ZFHX4: variants seen among roughly 807,000 people sequenced by gnomAD.
ZFHX4 encodes the protein zinc finger homeobox 4.
A neutral mutation model predicts 267.6 loss-of-function variants in ZFHX4; 56 were observed. The observed-to-expected ratio is 0.21, with a 90% CI of 0.17 to 0.26. The LOEUF (loss-of-function observed/expected upper bound fraction) is 0.26. ZFHX4 is among the 10% of genes least tolerant of loss of function. The pLI is 1.00. For missense variants in ZFHX4, 4,332 were observed against 4,420.0 expected, an observed-to-expected ratio of 0.98 and a Z score of 0.56; for synonymous variants, 1,778 against 1,665.6, an observed-to-expected ratio of 1.07 and a Z score of -1.64.
At chr8:76,706,721 C>T in intron 2 of ZFHX4, 43 bp downstream of exon 2, 1 of 1,481,582 alleles carries the variant, frequency 6.7e-7, no homozygotes, top group African/African-American at 1.4e-5. Context: ...AGTTTCTAAT[C>T]ACATTTTGAT....
chr8:76,860,664 G>A (rs541324700), intron 10 of ZFHX4, among the ~76,000 whole-genome samples: 324 of 152,194 alleles, frequency 2.1e-3, no homozygotes, highest in Non-Finnish European at 3.9e-3. Flanking sequence ...GTAGGCAAAG[G>A]AAGCTGGCTA....
intron 5 of ZFHX4, chr8:76,833,683 T>A (rs149174804): frequency 2.9e-6 from 1 of 347,370 alleles, no homozygotes; most frequent in East Asian, 7.0e-5. Context: ...ATCACTGCCC[T>A]CCCCACCAGA....
At chr8:76,800,907 C>T (rs1054741032) in intron 4 of ZFHX4, among the ~76,000 whole-genome samples, 3 of 152,146 alleles carry the variant, frequency 2.0e-5, no homozygotes, top group African/African-American at 7.2e-5. Context: ...TTCGGCCTCT[C>T]GAGCCTTCTA....
intron 4 of ZFHX4, among the ~76,000 whole-genome samples, chr8:76,832,200 T>G (rs1250782451): frequency 1.3e-5 from 2 of 152,176 alleles, no homozygotes; most frequent in African/African-American, 4.8e-5. Context: ...TTGCTAGAAA[T>G]AGTAAATAAA....
In ZFHX4 at chr8:76,854,040, T is replaced by C. The variant is rs2131954798; in HGVS notation, c.7119T>C (p.Ala2373=). 1 of 1,613,832 alleles carries C rather than the reference T, an allele frequency of 6.2e-7. No homozygotes were observed. The highest frequency in any genetic ancestry group is 8.5e-7 in the Non-Finnish European group (1 of 1,179,868). ...CAGTGTCTGGCCAAACGGATGCAGC[T>C]AAAAACGCTGCTGCCCCTGCAGCAA... is the stretch of plus-strand genomic sequence containing the variant. ...HCTVSGQTDA[A]KNAAAPAASS... Residue 2373 remains alanine (A), a synonymous_variant, in exon 10 of 11, where the codon GCT becomes GCC. Transcript: ENST00000651372.
intron 4 of ZFHX4, among the ~76,000 whole-genome samples, chr8:76,808,229 A>T (rs1811292556): frequency 6.6e-6 from 1 of 152,162 alleles, no homozygotes; most frequent in Non-Finnish European, 1.5e-5. Flanking sequence ...TCATTTGTTT[A>T]CACAGTTTTA....
At chr8:76,815,774 C>T (rs548599396) in intron 4 of ZFHX4, among the ~76,000 whole-genome samples, 2 of 152,214 alleles carry the variant, frequency 1.3e-5, no homozygotes, top group Admixed American at 6.5e-5. Context: ...GTGCTGAGAT[C>T]GTAGGCTTGA....
chr8:76,778,512 CA>C, intron 4 of ZFHX4, 73 bp downstream of exon 4: 1 of 920,768 alleles, frequency 1.1e-6, no homozygotes. Context: ...CACACACAAA[CA>C]CACACACACA....
chr8:76,745,161 C>T (rs183823868), intron 3 of ZFHX4, among the ~76,000 whole-genome samples: 19 of 152,224 alleles, frequency 1.2e-4, no homozygotes, highest in Non-Finnish European at 1.5e-5. Context: ...GCTGGAGCAC[C>T]ATGGGTATGA....
At chr8:76,712,337 C>T (rs997636467) in intron 3 of ZFHX4, among the ~76,000 whole-genome samples, 1 of 151,982 alleles carries the variant, frequency 6.6e-6, no homozygotes, top group African/African-American at 2.4e-5. Context: ...ATATTGGGAA[C>T]AGTATGTGTA....
intron 3 of ZFHX4, among the ~76,000 whole-genome samples, chr8:76,735,989 A>G (rs1173816293): frequency 1.3e-5 from 2 of 152,060 alleles, no homozygotes; most frequent in African/African-American, 2.4e-5. Context: ...GAACACATTC[A>G]TTTTGTGTTT....
chr8:76,709,083 G>A (rs368459421), intron 3 of ZFHX4, among the ~76,000 whole-genome samples: 121 of 152,224 alleles, frequency 7.9e-4, no homozygotes, highest in African/African-American at 2.9e-3. Context: ...TCAAACCTAC[G>A]ACTTTTCTAA....
intron 4 of ZFHX4, among the ~76,000 whole-genome samples, chr8:76,782,626 C>G (rs553048346): frequency 1.2e-3 from 181 of 151,868 alleles, no homozygotes; most frequent in Non-Finnish European, 2.0e-3. Context: ...CAAAATATCC[C>G]AATAATATCA....
chr8:76,802,512 ACT>A (rs1312932798), intron 4 of ZFHX4, among the ~76,000 whole-genome samples: 2 of 152,062 alleles, frequency 1.3e-5, no homozygotes, highest in Non-Finnish European at 2.9e-5. Context: ...TGCCATACAA[ACT>A]CTGCCTTAGC....
Position 76,707,557 on chromosome 8 carries a change from C to T in ZFHX4, c.2602C>T (p.Leu868=), listed in dbSNP as rs767814956. The change falls in exon 3 of 11, where the codon CTG becomes TTG. Residue 868 remains leucine, a synonymous_variant. Transcript: ENST00000651372. The stretch of plus-strand genomic sequence containing the variant: ...TTTTTTTCCTGTAGTAAATAATGAG[C>T]TGCCGCCTGAAATCCGGCTTGCCAG... ...ALAPGLVNNE[L]PPEIRLASGQ... is the part of the protein sequence containing the mutation. 2.4e-5 allele frequency: 38 copies of T among 1,579,398 alleles called. No individual in the cohort carries two copies. Among genetic ancestry groups the T allele is most frequent in the Non-Finnish European group, 2.9e-5 (34 of 1,160,248 alleles).
chr8:76,752,955 G>T (rs1809660412), intron 3 of ZFHX4, among the ~76,000 whole-genome samples: 1 of 152,148 alleles, frequency 6.6e-6, no homozygotes, highest in Admixed American at 6.5e-5. Flanking sequence ...AAGGTTCTGG[G>T]TTTATTTTTG....
intron 4 of ZFHX4, 70 bp downstream of exon 4, chr8:76,778,509 A>AC (rs1810463209): frequency 3.3e-6 from 4 of 1,226,336 alleles, no homozygotes; most frequent in East Asian, 2.3e-5. Flanking sequence ...ACACACACAC[A>AC]AACACACACA....
At chr8:76,732,331 T>C (rs1027099704) in intron 3 of ZFHX4, among the ~76,000 whole-genome samples, 38 of 152,258 alleles carry the variant, frequency 2.5e-4, no homozygotes, top group African/African-American at 8.9e-4. Context: ...CAAAATTGCT[T>C]GACTTTTTAG....
At chr8:76,849,843 A>G (rs760645712) in intron 8 of ZFHX4, 131 bp downstream of exon 8, 26 of 1,030,768 alleles carry the variant, frequency 2.5e-5, no homozygotes, top group Non-Finnish European at 3.3e-5. Context: ...TGCTCGTGTT[A>G]TAGTAGTCAC....
Sources: gnomAD v4.1 joint callset for allele counts (sites outside exome capture counted in the v4.1 genomes callset) on GRCh38, gnomAD v4.1.1 for gene constraint, MANE v1.5 for transcripts, NCBI Gene and HGNC (gene_info 2026-07-23, HGNC 2026-07-21) for gene names.